EPB41L3: variants seen among roughly 807,000 people sequenced by gnomAD.
The protein encoded by EPB41L3 is band 4.1-like protein 3.
Under a neutral mutation model 127.1 loss-of-function variants are expected in EPB41L3, and 57 were observed. The ratio of observed to expected loss-of-function variants is 0.45; its 90% CI spans 0.36 to 0.56. The LOEUF is 0.56. Among genes scored for constraint, EPB41L3 ranks in the 20% least tolerant of loss-of-function variants. EPB41L3 has a pLI of 0.00. For missense variants in EPB41L3, 1,273 were observed against 1,372.2 expected (o/e 0.93, Z 1.14); for synonymous variants, 572 against 549.5 (o/e 1.04, Z -0.57).
chr18:5,543,179 G>A lies in EPB41L3; in HGVS notation c.-12+734C>T, dbSNP rs2093788709. 6.6e-6 allele frequency: 1 copy of A among 151,252 alleles called. No individual in the cohort carries two copies. Among genetic ancestry groups the A allele is most frequent in the African/African-American group, 2.4e-5 (1 of 41,338 alleles). The allele number at this position is 151,252 out of a possible 1,614,324, so 9.4% of individuals were successfully genotyped here. ...GGGCCCCGGCAGGTGCCCAGGCCCAGGGCAACCCCGCTTGGACGCTCCCTC... is the reference window on the plus strand; with the variant it reads ...GGGCCCCGGCAGGTGCCCAGGCCCAAGGCAACCCCGCTTGGACGCTCCCTC... On this transcript the variant is annotated intron_variant, in intron 1 of 22. Transcript: ENST00000341928. This position sits in a 1 kb window ranked among gnomAD's most constrained non-coding sequence, Gnocchi z 5.2.
chr18:5,536,649 CA>C (rs34476027), intron 1 of EPB41L3, among the ~76,000 whole-genome samples: 9,568 of 132,598 alleles, frequency 0.072, 938 homozygotes, highest in African/African-American at 0.23. Context: ...ACTAAAAATT[CA>C]AAAAAAAAAA....
chr18:5,593,385 G>A (rs2094504861), intron 3 of EPB41L3, among the ~76,000 whole-genome samples: 1 of 152,120 alleles, frequency 6.6e-6, no homozygotes, highest in Non-Finnish European at 1.5e-5. Context: ...TAGGTTCCAA[G>A]ATGCCCCCTG....
At chr18:5,508,977 C>T (rs2092377951) in intron 1 of EPB41L3, among the ~76,000 whole-genome samples, 1 of 152,106 alleles carries the variant, frequency 6.6e-6, no homozygotes, top group Admixed American at 6.6e-5. Flanking sequence ...TGAGCAGTCT[C>T]TCATGGAAGT....
intron 3 of EPB41L3, among the ~76,000 whole-genome samples, chr18:5,580,694 A>G (rs1414787551): frequency 6.6e-6 from 1 of 152,230 alleles, no homozygotes; most frequent in African/African-American, 2.4e-5. Flanking sequence ...ACTTATGCAT[A>G]TGTATTCACA....
intron 15 of EPB41L3, 40 bp downstream of exon 15, chr18:5,407,661 T>TTTG (rs754757302): frequency 5.6e-6 from 9 of 1,598,920 alleles, no homozygotes; most frequent in African/African-American, 5.4e-5. Flanking sequence ...ACACTGTTGT[T>TTTG]TTGTTGTTGT....
At chr18:5,405,755 G>A (rs1364827657) in intron 16 of EPB41L3, among the ~76,000 whole-genome samples, 1 of 150,322 alleles carries the variant, frequency 6.7e-6, no homozygotes, top group Non-Finnish European at 1.5e-5. Flanking sequence ...CAGCATGGGC[G>A]ACAGAGAGAA....
chr18:5,419,568 T>C (rs59564759), intron 12 of EPB41L3, 143 bp downstream of exon 12: 13,915 of 1,213,928 alleles, frequency 0.011, 532 homozygotes, highest in African/African-American at 0.11. Flanking sequence ...GCAATCATAA[T>C]TTAAAAATTG....
intron 3 of EPB41L3, among the ~76,000 whole-genome samples, chr18:5,567,632 A>AGAAG (rs565140894): frequency 3.3e-5 from 5 of 152,012 alleles, no homozygotes; most frequent in Admixed American, 2.0e-4. Context: ...AAGGAAGGAA[A>AGAAG]GAAGGAAGGA....
At chr18:5,624,974 T>C (rs911012121) in intron 1 of EPB41L3, among the ~76,000 whole-genome samples, 2 of 151,882 alleles carry the variant, frequency 1.3e-5, no homozygotes, top group East Asian at 3.9e-4. Context: ...GGCATTTCAG[T>C]TGAAAGAAAT....
intron 1 of EPB41L3, chr18:5,540,614 A>C (rs936675641): frequency 1.8e-5 from 17 of 932,818 alleles, no homozygotes; most frequent in Non-Finnish European, 2.2e-5. Flanking sequence ...GCAGCTAGCT[A>C]GCCGTTTGAA....
At chr18:5,577,717 A>G (rs1210373404) in intron 3 of EPB41L3, 2 of 157,958 alleles carry the variant, frequency 1.3e-5, no homozygotes, top group Non-Finnish European at 2.8e-5. Flanking sequence ...TCATGGGGCC[A>G]CCTATGACCA....
In EPB41L3 at chr18:5,416,146, C is replaced by T. The variant is rs138184132; in HGVS notation, c.1739G>A (p.Gly580Asp). The change falls in exon 13 of 23, where the codon GGC (glycine) becomes GAC (aspartate). Residue 580 changes from glycine to aspartate, a missense_variant. Coordinates refer to ENST00000341928, the MANE Select transcript of EPB41L3 (RefSeq NM_012307.5). ...DVAFSYRQQT[G>D]KGTTLFSFSL... ...GAAGGAGAACAGGGTGGTCCCCTTG[C>T]CAGTTTGCTGTCTGTAGCTAAAAGC... is the stretch of plus-strand genomic sequence containing the variant. The T allele has an allele frequency of 3.2e-5, 51 of 1,613,720 alleles. No homozygotes were observed. Among genetic ancestry groups the T allele is most frequent in the Middle Eastern group, 1.6e-4 (1 of 6,080 alleles).
intron 7 of EPB41L3, 125 bp downstream of exon 7, chr18:5,433,778 T>C (rs1555678572): frequency 9.0e-7 from 1 of 1,108,818 alleles, no homozygotes; most frequent in Non-Finnish European, 1.4e-6. Flanking sequence ...TTACTGTGCA[T>C]GGACCCACAC....
At chr18:5,510,836 T>C (rs187841587) in intron 1 of EPB41L3, among the ~76,000 whole-genome samples, 2 of 152,300 alleles carry the variant, frequency 1.3e-5, no homozygotes, top group East Asian at 3.9e-4. Context: ...CCTCAAATTT[T>C]ATCTGGTAAA....
In EPB41L3 at chr18:5,478,303, G is replaced by C. The variant is rs772255360; in HGVS notation, c.319C>G (p.Pro107Ala). The part of the protein sequence containing the change: ...SRSPLKIVKK[P>A]KSMQCKVILL... ...ATCACTTTGCACTGCATGCTTTTAGGCTTTTTGACAATCTTTAATGGAGAC... is the reference window on the plus strand; with the variant it reads ...ATCACTTTGCACTGCATGCTTTTAGCCTTTTTGACAATCTTTAATGGAGAC... The change falls in exon 3 of 23, where the codon CCT becomes GCT. Residue 107 changes from proline to alanine, a missense_variant. Around this residue, in one of 3 missense-constraint regions of EPB41L3, gnomAD observed 182 missense variants for 149.2 expected, o/e 1.22. Coordinates refer to ENST00000341928, the MANE Select transcript of EPB41L3 (RefSeq NM_012307.5). The C allele has an allele frequency of 5.0e-6, 8 of 1,613,892 alleles. No individual in the cohort carries two copies. The African/African-American group carries it at 1.1e-4, about 22-fold the overall frequency.
chr18:5,393,547 CA>C (rs1404510119), intron 22 of EPB41L3, 69 bp from the exon 23 acceptor site: 25 of 686,268 alleles, frequency 3.6e-5, no homozygotes, highest in Admixed American at 2.4e-4. Context: ...ATCAAGGACA[CA>C]AAAAAAGTAT....
In EPB41L3 at chr18:5,431,265, AAATG is replaced by A. The variant is rs1396084611; in HGVS notation, c.912+2200_912+2203del. 3 of 152,222 alleles carry A rather than the reference AAATG, an allele frequency of 2.0e-5. No individual in the cohort carries two copies. The East Asian group carries it at 5.8e-4, about 29-fold the overall frequency. The allele number at this position is 152,222 out of a possible 1,614,324, so 9.4% of individuals were successfully genotyped here. A position where few individuals can be genotyped will look rare whatever the true frequency, so the allele number is the denominator to read the frequency against. ...TACAGGATTCCAGATCAGAATTTTT[AAATG>A]GATTGTAAAGCTCAGGGTCTTTCAC... is the stretch of plus-strand genomic sequence containing the variant. On this transcript the variant is annotated intron_variant, in intron 8 of 22. Coordinates refer to ENST00000341928, the MANE Select transcript of EPB41L3 (RefSeq NM_012307.5).
chr18:5,555,978 C>T (rs1419118449), intron 3 of EPB41L3, among the ~76,000 whole-genome samples: 1 of 152,222 alleles, frequency 6.6e-6, no homozygotes, highest in African/African-American at 2.4e-5. Context: ...AAACATTGCA[C>T]CTATGCGTTT....
chr18:5,582,494 G>A (rs997947218), intron 3 of EPB41L3, among the ~76,000 whole-genome samples: 2 of 152,122 alleles, frequency 1.3e-5, no homozygotes, highest in Admixed American at 6.6e-5. Context: ...TTCTCCCAAC[G>A]TTAAACAGAT....
Sources: gnomAD v4.1 joint callset for allele counts (sites outside exome capture counted in the v4.1 genomes callset) on GRCh38, gnomAD v4.1.1 for gene constraint, gnomAD v4.1.1 regional missense constraint, Gnocchi (gnomAD v3.1) non-coding constraint, MANE v1.5 for transcripts, NCBI Gene and HGNC (gene_info 2026-07-23, HGNC 2026-07-21) for gene names.